Variants in WDPCP observed in about 807,000 individuals in gnomAD.
WDPCP encodes the protein WD repeat containing planar cell polarity effector, also known as WD repeat-containing and planar cell polarity effector protein fritz homolog.
A neutral mutation model predicts 93.1 loss-of-function variants in WDPCP; 71 were observed. The ratio of observed to expected loss-of-function variants is 0.76; its 90% CI spans 0.63 to 0.93. The LOEUF is 0.93. WDPCP is among the 40% of genes least tolerant of loss of function. The pLI, the probability that WDPCP is intolerant of heterozygous loss-of-function variation, is 0.00. For synonymous variants in WDPCP, 315 were observed against 315.0 expected (o/e 1.00, Z 0.00); for missense variants, 844 against 887.4 (o/e 0.95, Z 0.62).
At chr2:63,172,750 G>C (rs183853239) in intron 15 of WDPCP, among the ~76,000 whole-genome samples, 1 of 152,230 alleles carries the variant, frequency 6.6e-6, no homozygotes, top group Admixed American at 6.5e-5. Context: ...GATCTCTCTA[G>C]CTCCTGATAT....
At chr2:63,524,961 A>G (rs558488586) in intron 1 of WDPCP, among the ~76,000 whole-genome samples, 2 of 152,238 alleles carry the variant, frequency 1.3e-5, no homozygotes, top group Non-Finnish European at 2.9e-5. Flanking sequence ...TCATCACAGC[A>G]TTATTCACAA....
intron 3 of WDPCP, chr2:63,622,459 C>T: frequency 9.9e-6 from 16 of 1,613,974 alleles, no homozygotes; most frequent in Non-Finnish European, 1.3e-5. Flanking sequence ...CGGCGGATTT[C>T]AGTCCAGCCG....
intron 9 of WDPCP, among the ~76,000 whole-genome samples, chr2:63,415,455 G>A (rs1338048837): frequency 6.6e-6 from 1 of 152,192 alleles, no homozygotes; most frequent in East Asian, 1.9e-4. Flanking sequence ...ATAGGATACT[G>A]TTTGACTTTT....
rs374528772 is a variant in WDPCP at position 63,310,696 on chromosome 2, A to T, written c.1812+2552T>A. On this transcript the variant is annotated intron_variant, in intron 13 of 17. Coordinates refer to ENST00000272321, the MANE Select transcript of WDPCP (RefSeq NM_015910.7). ...CCCGTATGGCTTGTAAAAAGTCTAA[A>T]ATATTTGCAAAACTAAGCCAAGCAT... Among the ~76,000 whole-genome samples the T allele has an allele frequency of 2.6e-5, 3 of 113,940 alleles. No homozygotes were observed. In the East Asian group the frequency reaches 6.7e-4, roughly 25 times the overall value. The allele number at this position is 113,940 out of a possible 152,430, so 74.7% of individuals were successfully genotyped here.
At chr2:63,247,667 CA>C (rs1307937525) in intron 14 of WDPCP, among the ~76,000 whole-genome samples, 1 of 131,406 alleles carries the variant, frequency 7.6e-6, no homozygotes, top group Non-Finnish European at 1.6e-5. Context: ...GTAAATATTC[CA>C]AAATTGAAAA....
intron 13 of WDPCP, among the ~76,000 whole-genome samples, chr2:63,280,517 C>A (rs574468001): frequency 6.6e-6 from 1 of 152,058 alleles, no homozygotes. Flanking sequence ...GCCCACAGAG[C>A]CAAAGCAAGA....
At chr2:63,588,114 A>G in intron 1 of WDPCP, 83 bp downstream of exon 1, 1 of 1,484,940 alleles carries the variant, frequency 6.7e-7, no homozygotes. Context: ...CACAGCGGAT[A>G]AAAGCAAAGC....
At chr2:63,227,759 TTGCAAATAGCATG>T (rs1447622356) in intron 14 of WDPCP, among the ~76,000 whole-genome samples, 2 of 152,140 alleles carry the variant, frequency 1.3e-5, no homozygotes, top group African/African-American at 2.4e-5. Context: ...GCATTATGGC[TTGCAAATAGCATG>T]TGCTAATAGT....
At chr2:63,143,259 C>T (rs931909994) in intron 17 of WDPCP, among the ~76,000 whole-genome samples, 9 of 152,058 alleles carry the variant, frequency 5.9e-5, no homozygotes, top group African/African-American at 2.2e-4. Context: ...TTTTGGTGTC[C>T]ATTTGCATGA....
At chr2:63,155,686 C>T (rs1003800917) in intron 15 of WDPCP, among the ~76,000 whole-genome samples, 9 of 152,176 alleles carry the variant, frequency 5.9e-5, no homozygotes, top group Non-Finnish European at 1.2e-4. Flanking sequence ...GACTATGTGA[C>T]CTGCAAAACC....
intron 2 of WDPCP, among the ~76,000 whole-genome samples, chr2:63,674,250 A>C (rs1348475425): frequency 6.6e-6 from 1 of 152,176 alleles, no homozygotes; most frequent in Non-Finnish European, 1.5e-5. Flanking sequence ...TGTTTCATTT[A>C]AAAAATTCCC....
chr2:63,149,361 G>A (rs1261930688), intron 17 of WDPCP, among the ~76,000 whole-genome samples: 1 of 152,162 alleles, frequency 6.6e-6, no homozygotes. Context: ...AAAAACCTGA[G>A]TGTTTAAGTA....
chr2:63,373,684 A>G (rs1553367337), intron 12 of WDPCP, among the ~76,000 whole-genome samples: 1 of 151,280 alleles, frequency 6.6e-6, no homozygotes, highest in Non-Finnish European at 1.5e-5. Context: ...TCTATTTTCC[A>G]TCTTTTTTCC....
At chr2:63,542,089 T>C (rs1266616604) in intron 1 of WDPCP, among the ~76,000 whole-genome samples, 1 of 152,172 alleles carries the variant, frequency 6.6e-6, no homozygotes, top group African/African-American at 2.4e-5. Flanking sequence ...AGTGACTGCA[T>C]AGCAATATCT....
chr2:63,324,183 A>G (rs531492807), intron 12 of WDPCP, among the ~76,000 whole-genome samples: 2 of 152,320 alleles, frequency 1.3e-5, no homozygotes, highest in African/African-American at 4.8e-5. Context: ...GAGGGAAGGC[A>G]AATGGAGTGA....
At chr2:63,601,113 T>A (rs577716384) in intron 3 of WDPCP, among the ~76,000 whole-genome samples, 1 of 152,318 alleles carries the variant, frequency 6.6e-6, no homozygotes, top group South Asian at 2.1e-4. Context: ...TAACCTTCAC[T>A]TGGGGACATG....
At chr2:63,152,740 T>A (rs1462407266) in intron 17 of WDPCP, among the ~76,000 whole-genome samples, 174 bp downstream of exon 17, 1 of 152,216 alleles carries the variant, frequency 6.6e-6, no homozygotes, top group East Asian at 1.9e-4. Context: ...ACTGAAAAGC[T>A]GAATAGTTTT....
At chr2:63,555,585 G>A (rs1706049342) in intron 1 of WDPCP, among the ~76,000 whole-genome samples, 1 of 152,198 alleles carries the variant, frequency 6.6e-6, no homozygotes, top group South Asian at 2.1e-4. Context: ...TTATACAGGA[G>A]CATTCCCACT....
At chr2:63,729,164 T>C (rs1669526852) in intron 2 of WDPCP, among the ~76,000 whole-genome samples, 1 of 152,156 alleles carries the variant, frequency 6.6e-6, no homozygotes, top group Admixed American at 6.5e-5. Context: ...AACACTGACT[T>C]GGAGATAATA....
Sources: allele counts gnomAD v4.1 joint callset (sites outside exome capture counted in the v4.1 genomes callset), GRCh38; gene constraint gnomAD v4.1.1; transcripts MANE v1.5; gene names NCBI Gene and HGNC (gene_info 2026-07-23, HGNC 2026-07-21).